Variants in NLRP2 observed in about 807,000 individuals in gnomAD.
NLRP2 encodes the protein NLR family pyrin domain containing 2, also known as NACHT, LRR and PYD domains-containing protein 2.
A neutral mutation model predicts 97.2 loss-of-function variants in NLRP2; 107 were observed. The observed-to-expected ratio is 1.10, with a 90% CI of 0.94 to 1.29. The LOEUF (loss-of-function observed/expected upper bound fraction) is 1.29. NLRP2 is among the 50% of genes most tolerant of loss of function. The pLI, the probability that NLRP2 is intolerant of heterozygous loss-of-function variation, is 0.00. For missense variants in NLRP2, 1,495 were observed against 1,330.3 expected (o/e 1.12, Z -1.93); for synonymous variants, 663 against 551.5 (o/e 1.20, Z -2.83).
intron 4 of NLRP2, among the ~76,000 whole-genome samples, chr19:54,979,058 C>T (rs1235878200): frequency 2.0e-5 from 3 of 151,734 alleles, no homozygotes; most frequent in Non-Finnish European, 4.4e-5. Flanking sequence ...CATCTTGGCT[C>T]ACTGCAATCT....
chr19:54,983,274 G>A lies in NLRP2; in HGVS notation c.1576G>A (p.Asp526Asn). The A allele has an allele frequency of 1.2e-6, 2 of 1,614,028 alleles. No homozygotes were observed. The highest frequency in any genetic ancestry group is 1.6e-4 in the Middle Eastern group (1 of 6,062). The part of the protein sequence containing the change: ...TLEKEEEEDR[D>N]GHTWDIGDVQ... The stretch of plus-strand genomic sequence containing the variant: ...GGAGAAGGAGGAGGAAGAGGATAGG[G>A]ACGGCCACACCTGGGACATTGGGGA... The change falls in exon 6 of 13, where the codon GAC becomes AAC. Residue 526 changes from aspartate to asparagine, a missense_variant. Coordinates refer to ENST00000448584, the MANE Select transcript of NLRP2 (RefSeq NM_017852.5).
chr19:54,989,095 C>T (rs1000602173), intron 8 of NLRP2, among the ~76,000 whole-genome samples: 4 of 151,616 alleles, frequency 2.6e-5, no homozygotes, highest in East Asian at 2.0e-4. Flanking sequence ...GTAGCTGGGA[C>T]TACAGGCACG....
rs1190231820 is a variant in NLRP2, at chr19:54,975,101, G to GTTT, written c.325+559_325+561dup. Among the ~76,000 whole-genome samples, 14 of 83,082 alleles carry GTTT rather than the reference G, an allele frequency of 1.7e-4. 1 individual carries two copies. The highest frequency in any genetic ancestry group is 3.6e-4 in the East Asian group (1 of 2,810). 54.5% of individuals were successfully genotyped at this position (83,082 alleles called of 152,430 possible). On this transcript the variant is annotated intron_variant, in intron 3 of 12. Coordinates refer to ENST00000448584, the MANE Select transcript of NLRP2 (RefSeq NM_017852.5). ...TGGGCATGAGCCACCACCACACCCGGTTTTGTTTTTTTTTTTTTTTTTTTT... is the reference window on the plus strand; with the variant it reads ...TGGGCATGAGCCACCACCACACCCGGTTTTTTTGTTTTTTTTTTTTTTTTTTTT...
rs765030338 is a variant in NLRP2 at position 54,982,686 on chromosome 19, G to A, written c.988G>A (p.Ala330Thr). 4 of 1,614,080 alleles carry A rather than the reference G, an allele frequency of 2.5e-6. 1 individual carries two copies. The South Asian group carries it at 4.4e-5, about 18-fold the overall frequency. Residue 330 changes from alanine to threonine, a missense_variant, in exon 6 of 13, where the codon GCC becomes ACC. Transcript: ENST00000448584. ...GCTGAACAGGGTGATGTTACCCAAG[G>A]CCGCCCTGCTGGTCACCACGCGGCC... Reference protein sequence around the residue: ...SLLNRVMLPKAALLVTTRPRA... With the variant: ...SLLNRVMLPKTALLVTTRPRA...
chr19:54,986,305 C>G lies in NLRP2; in HGVS notation c.2356C>G (p.Arg786Gly), dbSNP rs145922476. The change falls in exon 8 of 13, where the codon CGA becomes GGA. Residue 786 changes from arginine to glycine, a missense_variant. Physicochemically the swap from Arg to Gly is moderately radical, Grantham distance 125. Coordinates refer to ENST00000448584, the MANE Select transcript of NLRP2 (RefSeq NM_017852.5). ...EVLRHPECNL[R>G]YLGLVSCSAT... ...CTTGAGACATCCAGAATGTAACCTG[C>G]GATATCTCGGGTATATCTCTTAATC... The G allele has an allele frequency of 6.2e-7, 1 of 1,613,060 alleles. No homozygotes were observed. Among genetic ancestry groups the G allele is most frequent in the Non-Finnish European group, 8.5e-7 (1 of 1,179,106 alleles).
chr19:54,973,389 T>A (rs1278129089), intron 2 of NLRP2, among the ~76,000 whole-genome samples: 1 of 147,342 alleles, frequency 6.8e-6, no homozygotes, highest in Non-Finnish European at 1.5e-5. Context: ...TTGGTTTTGC[T>A]TTTGAGTCGA....
intron 1 of NLRP2, among the ~76,000 whole-genome samples, chr19:54,967,177 C>A (rs1475433415): frequency 6.6e-6 from 1 of 151,976 alleles, no homozygotes; most frequent in Non-Finnish European, 1.5e-5. Flanking sequence ...TAAATCTTTT[C>A]TTCTGTTAGA....
chr19:54,989,104 C>T (rs1031157214), intron 8 of NLRP2, among the ~76,000 whole-genome samples: 1 of 151,674 alleles, frequency 6.6e-6, no homozygotes, highest in Non-Finnish European at 1.5e-5. Context: ...ACTACAGGCA[C>T]GTGTCGCCAC....
intron 12 of NLRP2, among the ~76,000 whole-genome samples, chr19:54,998,025 C>CTTT (rs757893808): frequency 0.24 from 30,285 of 126,884 alleles, 4,006 homozygotes; most frequent in Middle Eastern, 0.32. Context: ...TTTTTTCTTT[C>CTTT]TTTTTTTTTT....
chr19:54,986,858 T>A (rs1449891853), intron 8 of NLRP2, among the ~76,000 whole-genome samples: 1 of 150,366 alleles, frequency 6.7e-6, no homozygotes, highest in Non-Finnish European at 1.5e-5. Context: ...AGAGTCCTTA[T>A]GTTTTGGTTT....
rs758940445 is a variant in NLRP2 at position 54,983,718 on chromosome 19, G to A, written c.2020G>A (p.Glu674Lys). ...ENVTASESDA[E>K]VERSQDDQHM... ...TGTCACTGCGTCTGAATCAGACGCCGAGGTTGAGAGGTGAGAACCGTTTCA... is the reference window on the plus strand; with the variant it reads ...TGTCACTGCGTCTGAATCAGACGCCAAGGTTGAGAGGTGAGAACCGTTTCA... The change falls in exon 6 of 13, where the codon GAG becomes AAG. Residue 674 changes from glutamate to lysine, a missense_variant. Transcript: ENST00000448584. 1.7e-5 allele frequency: 28 copies of A among 1,610,756 alleles called. No homozygotes were observed. Among genetic ancestry groups the A allele is most frequent in the Middle Eastern group, 2.0e-4 (1 of 5,118 alleles).
intron 7 of NLRP2, 66 bp downstream of exon 7, chr19:54,985,283 G>C (rs972712205): frequency 5.4e-6 from 8 of 1,474,612 alleles, no homozygotes; most frequent in Non-Finnish European, 7.6e-6. Flanking sequence ...GTTAACATCG[G>C]AGCAATATTC....
intron 11 of NLRP2, among the ~76,000 whole-genome samples, chr19:54,996,900 G>A (rs2072856309): frequency 6.6e-6 from 1 of 151,996 alleles, no homozygotes; most frequent in East Asian, 1.9e-4. Context: ...GAGCCCTGAG[G>A]GCGGAGACGT....
chr19:54,971,843 T>C (rs2070874216), intron 2 of NLRP2, among the ~76,000 whole-genome samples: 1 of 147,620 alleles, frequency 6.8e-6, no homozygotes, highest in Non-Finnish European at 1.5e-5. Flanking sequence ...ATTTAACTCT[T>C]CTTGAGAGAG....
intron 10 of NLRP2, chr19:54,993,397 T>C (rs962236812): frequency 2.0e-5 from 3 of 152,056 alleles, no homozygotes; most frequent in Admixed American, 2.0e-4. Flanking sequence ...GGCATTATAG[T>C]TCAAATTATA....
chr19:54,984,327 G>GTGTGTGTTTTTTTT (rs1203056319), intron 6 of NLRP2, among the ~76,000 whole-genome samples: 1 of 43,350 alleles, frequency 2.3e-5, no homozygotes, highest in Non-Finnish European at 4.2e-5. Flanking sequence ...GTTTTTTTTT[G>GTGTGTGTTTTTTTT]TGTTTTTTTT....
At position 54,990,116 on chromosome 19, in the gene NLRP2, A is replaced by C. The variant is rs777062884; in HGVS notation, c.2461A>C (p.Asn821His). 1 of 1,614,100 alleles carries C rather than the reference A, an allele frequency of 6.2e-7. No individual in the cohort carries two copies. Among genetic ancestry groups the C allele is most frequent in the South Asian group, 1.1e-5 (1 of 91,078 alleles). ...QSLTCVNLSD[N>H]ELLDEGAKLL... ...CCTGACGTGCGTAAACCTCTCCGAC[A>C]ATGAGCTTCTGGATGAGGGTGCTAA... is the stretch of plus-strand genomic sequence containing the variant. Residue 821 changes from asparagine to histidine, a missense_variant, in exon 9 of 13, where the codon AAT (asparagine) becomes CAT (histidine). Transcript: ENST00000448584.
chr19:54,980,916 C>T (rs1481148444), intron 4 of NLRP2, among the ~76,000 whole-genome samples: 1 of 152,134 alleles, frequency 6.6e-6, no homozygotes, highest in Admixed American at 6.6e-5. Flanking sequence ...TTTAGACTGG[C>T]CTGGCCAACA....
At chr19:54,975,959 ATAT>A (rs2071205096) in intron 3 of NLRP2, among the ~76,000 whole-genome samples, 1 of 150,298 alleles carries the variant, frequency 6.7e-6, no homozygotes, top group Non-Finnish European at 1.5e-5. Flanking sequence ...ATGTTGCCAG[ATAT>A]GGTGTCAAAC....
Sources: gnomAD v4.1 joint callset for allele counts (sites outside exome capture counted in the v4.1 genomes callset) on GRCh38, gnomAD v4.1.1 for gene constraint, MANE v1.5 for transcripts, NCBI Gene and HGNC (gene_info 2026-07-23, HGNC 2026-07-21) for gene names.